Variants in SLC30A7 observed in about 807,000 individuals in gnomAD.
SLC30A7 encodes solute carrier family 30 member 7.
SLC30A7 carries 35 observed loss-of-function variants against 46.0 expected under a neutral mutation model. The observed-to-expected ratio is 0.76, with a 90% CI of 0.58 to 1.01. The LOEUF (loss-of-function observed/expected upper bound fraction) is 1.01, where lower values mean the gene tolerates loss of function less well. Ranked by LOEUF, SLC30A7 falls within the 50% of genes least tolerant of loss-of-function variation. SLC30A7 has a pLI of 0.00. For missense variants in SLC30A7, 464 were observed against 451.1 expected, an observed-to-expected ratio of 1.03 and a Z score of -0.26; for synonymous variants, 147 against 157.8, an observed-to-expected ratio of 0.93 and a Z score of 0.51.
rs367922808 is a variant in SLC30A7, at chr1:100,960,433, G to T, written c.843-1395G>T. On this transcript the variant is annotated intron_variant, in intron 8 of 10. Coordinates refer to ENST00000357650, the MANE Select transcript of SLC30A7 (RefSeq NM_133496.5). ...TAACCAACAATTGGGCCCACTTTAT[G>T]ACCAGCACTTTGCTAGACCTTGAGA... Among the ~76,000 whole-genome samples the T allele has an allele frequency of 1.5e-3, 225 of 152,214 alleles. 8 individuals are homozygous for T. The South Asian group carries it at 0.043, about 29-fold the overall frequency.
downstream of SLC30A7, among the ~76,000 whole-genome samples, chr1:100,984,128 G>A (rs1396019099): frequency 6.6e-6 from 1 of 152,172 alleles, no homozygotes; most frequent in Non-Finnish European, 1.5e-5. Context: ...TATGGTGGTG[G>A]CCAACAGCTA....
intron 9 of SLC30A7, 44 bp downstream of exon 9, chr1:100,961,962 C>G (rs1655576957): frequency 8.1e-7 from 1 of 1,240,846 alleles, no homozygotes; most frequent in African/African-American, 1.5e-5. Flanking sequence ...ATGCTGTTTT[C>G]AATCTCTTGA....
intron 6 of SLC30A7, among the ~76,000 whole-genome samples, chr1:100,914,499 T>C (rs1557980507): frequency 6.6e-6 from 1 of 152,230 alleles, no homozygotes; most frequent in Non-Finnish European, 1.5e-5. Flanking sequence ...ATTTGTATTA[T>C]AATTTTTGAT....
chr1:100,973,053 C>T (rs1170328463), intron 10 of SLC30A7, among the ~76,000 whole-genome samples: 1 of 145,646 alleles, frequency 6.9e-6, no homozygotes, highest in Non-Finnish European at 1.5e-5. Flanking sequence ...TTTAACTTTC[C>T]ACAGGAAAAA....
At chr1:100,936,841 C>T (rs1410151477) in intron 8 of SLC30A7, among the ~76,000 whole-genome samples, 2 of 152,190 alleles carry the variant, frequency 1.3e-5, no homozygotes, top group African/African-American at 4.8e-5. Context: ...AAAGTAGAGT[C>T]ATACAATATT....
the SLC30A7 span, among the ~76,000 whole-genome samples, chr1:100,993,464 A>C: frequency 6.6e-6 from 1 of 150,544 alleles, no homozygotes; most frequent in African/African-American, 2.4e-5. Context: ...AGACAGGAGA[A>C]TCAATTGAAC....
At chr1:100,912,067 C>G (rs1174341276) in intron 4 of SLC30A7, 45 bp from the exon 5 acceptor site, 13 of 1,549,986 alleles carry the variant, frequency 8.4e-6, no homozygotes, top group Non-Finnish European at 9.7e-6. Flanking sequence ...GTTGATCAAT[C>G]AGAAATAATA....
chr1:100,992,823 T>A, the SLC30A7 span: 1 of 864,508 alleles, frequency 1.2e-6, no homozygotes, highest in Non-Finnish European at 1.9e-6. Context: ...CTCCCAGGTA[T>A]ACTCAAGTAC....
Position 100,978,627 on chromosome 1 carries a change from A to T in SLC30A7, c.*3770A>T, listed in dbSNP as rs1041367218. 3 of 152,142 alleles carry T rather than the reference A, an allele frequency of 2.0e-5. No individual in the cohort carries two copies. The highest frequency in any genetic ancestry group is 4.4e-5 in the Non-Finnish European group (3 of 68,042). The allele number at this position is 152,142 out of a possible 1,614,324, so 9.4% of individuals were successfully genotyped here. ...TGACTCGAAGTTGAGAGTTCTTTAT[A>T]CTCTATTATGCTGCCTCTCCAGTGT... On this transcript the variant is annotated 3_prime_UTR_variant, in exon 11 of 11. Coordinates refer to ENST00000357650, the MANE Select transcript of SLC30A7 (RefSeq NM_133496.5).
chr1:100,925,235 T>C (rs1342995992), intron 8 of SLC30A7, among the ~76,000 whole-genome samples: 1 of 152,232 alleles, frequency 6.6e-6, no homozygotes. Context: ...GCTTTGATAC[T>C]GAAAGGAGGC....
At chr1:100,948,458 T>C (rs533338276) in intron 8 of SLC30A7, among the ~76,000 whole-genome samples, 1 of 152,342 alleles carries the variant, frequency 6.6e-6, no homozygotes, top group African/African-American at 2.4e-5. Flanking sequence ...GACCTTTCTC[T>C]CTGGCTGCCC....
rs114793359 is a variant in SLC30A7, at chr1:100,932,865, G to A, written c.842+11024G>A. On this transcript the variant is annotated intron_variant, in intron 8 of 10. Coordinates refer to ENST00000357650, the MANE Select transcript of SLC30A7 (RefSeq NM_133496.5). ...CTAAAATTGTTGATGTCTTACCTCTGTTTACAGAATAAATCTTATGGTTAA... is the reference window on the plus strand; with the variant it reads ...CTAAAATTGTTGATGTCTTACCTCTATTTACAGAATAAATCTTATGGTTAA... 6.5e-3 allele frequency among the ~76,000 whole-genome samples: 994 copies of A among 152,088 alleles called. 17 individuals are homozygous for A. Among genetic ancestry groups the A allele is most frequent in the African/African-American group, 0.021 (864 of 41,492 alleles).
Position 100,966,348 on chromosome 1 carries a change from C to G in SLC30A7, c.1083+430C>G, listed in dbSNP as rs183426442. Among the ~76,000 whole-genome samples the G allele has an allele frequency of 7.2e-5, 11 of 151,756 alleles. No homozygotes were observed. In the East Asian group the frequency reaches 2.0e-3, roughly 27 times the overall value. On this transcript the variant is annotated intron_variant, in intron 10 of 10. Transcript: ENST00000357650. ...CCTGTAATCCCAGTGCTTTGGGAGG[C>G]TGAGTCAGGTGGATCACGAGGTCAG...
At chr1:100,971,353 G>A (rs1656152363) in intron 10 of SLC30A7, among the ~76,000 whole-genome samples, 1 of 151,778 alleles carries the variant, frequency 6.6e-6, no homozygotes, top group South Asian at 2.1e-4. Flanking sequence ...TGTTTCCTAA[G>A]TATTGATTTT....
chr1:100,909,545 C>T (rs906406084), intron 3 of SLC30A7, among the ~76,000 whole-genome samples: 14 of 152,130 alleles, frequency 9.2e-5, no homozygotes, highest in Middle Eastern at 3.2e-3. Context: ...TCATGAATTA[C>T]ATGTTCTAAT....
chr1:100,927,482 G>C (rs72734261), intron 8 of SLC30A7, among the ~76,000 whole-genome samples: 2,670 of 152,260 alleles, frequency 0.018, 31 homozygotes, highest in South Asian at 0.034. Context: ...GAGAATGGGA[G>C]GGGAGGAAAT....
intron 7 of SLC30A7, among the ~76,000 whole-genome samples, chr1:100,918,809 C>T (rs1002440105): frequency 9.2e-5 from 14 of 152,126 alleles, no homozygotes; most frequent in Non-Finnish European, 1.5e-5. Context: ...CTTGTGATTG[C>T]TTGGCTGACT....
chr1:100,983,389 AAC>A (rs1491067481), downstream of SLC30A7, among the ~76,000 whole-genome samples: 30 of 114,160 alleles, frequency 2.6e-4, no homozygotes, highest in African/African-American at 7.2e-4. Context: ...AAAAAAAAAA[AAC>A]AAAACAAAAC....
At chr1:100,910,747 T>A (rs775719489) in intron 3 of SLC30A7, among the ~76,000 whole-genome samples, 13 of 152,136 alleles carry the variant, frequency 8.5e-5, no homozygotes, top group Non-Finnish European at 1.9e-4. Context: ...TCTGGTTCTG[T>A]TTTTCCTTCT....
Sources: gnomAD v4.1 joint callset for allele counts (sites outside exome capture counted in the v4.1 genomes callset) on GRCh38, gnomAD v4.1.1 for gene constraint, MANE v1.5 for transcripts, NCBI Gene and HGNC (gene_info 2026-07-23, HGNC 2026-07-21) for gene names.